ZFHX3: variants seen among roughly 807,000 people sequenced by gnomAD.
ZFHX3 encodes zinc finger homeobox 3.
Under a neutral mutation model 279.1 loss-of-function variants are expected in ZFHX3, and 42 were observed. The ratio of observed to expected loss-of-function variants is 0.15; its 90% confidence interval spans 0.12 to 0.19. ZFHX3 has a LOEUF of 0.19. Among genes scored for constraint, ZFHX3 ranks in the 10% least tolerant of loss-of-function variants. The pLI, the probability that ZFHX3 is intolerant of heterozygous loss-of-function variation, is 1.00. For missense variants in ZFHX3, 4,981 were observed against 4,754.0 expected, an observed-to-expected ratio of 1.05 and a Z score of -1.40; for synonymous variants, 2,293 against 1,957.8, an observed-to-expected ratio of 1.17 and a Z score of -4.52.
intron 4 of ZFHX3, among the ~76,000 whole-genome samples, chr16:72,842,695 A>T (rs2037373932): frequency 6.6e-6 from 1 of 152,222 alleles, no homozygotes; most frequent in Non-Finnish European, 1.5e-5. Context: ...AACCCAGGTA[A>T]GGTTATATCT....
chr16:73,110,455 G>A (rs1966359108), intron 7 of ZFHX3, among the ~76,000 whole-genome samples: 1 of 152,064 alleles, frequency 6.6e-6, no homozygotes. Context: ...ACATGACTTT[G>A]TATTTATTAT....
rs750197314 is a variant in ZFHX3 at position 72,793,920 on chromosome 16, G to A, written c.8762C>T (p.Ala2921Val). 1.2e-6 allele frequency: 2 copies of A among 1,614,210 alleles called. No homozygotes were observed. Among genetic ancestry groups the A allele is most frequent in the Non-Finnish European group, 1.7e-6 (2 of 1,180,038 alleles). ...ACCAGGACTCGGGGAGCAGGGATCT[G>A]CAAGGCTTGAGGTTTCACTGTAGTC... ...TVDYSETSSLADPCSPSPGAS... is the reference protein window; with the variant it reads ...TVDYSETSSLVDPCSPSPGAS... The change falls in exon 9 of 10, where the codon GCA becomes GTA. Residue 2921 changes from alanine (A) to valine (V), a missense_variant. Ala to Val is a moderately conservative substitution (Grantham distance 64). Transcript: ENST00000268489. The surrounding 1 kb of genome is among the most constrained non-coding windows in gnomAD (Gnocchi z 4.3).
At chr16:73,113,204 G>T (rs567648454) in intron 7 of ZFHX3, among the ~76,000 whole-genome samples, 2 of 152,130 alleles carry the variant, frequency 1.3e-5, no homozygotes, top group African/African-American at 4.8e-5. Context: ...GAAAGAGAGT[G>T]GGAGATGGAA....
chr16:73,766,068 C>T (rs2053937025), intron 1 of ZFHX3, among the ~76,000 whole-genome samples: 1 of 152,160 alleles, frequency 6.6e-6, no homozygotes, highest in African/African-American at 2.4e-5. Context: ...ACAGATGCAT[C>T]ATATGGCATT....
chr16:73,659,516 G>A (rs2052757674), intron 2 of ZFHX3, among the ~76,000 whole-genome samples: 1 of 152,072 alleles, frequency 6.6e-6, no homozygotes, highest in South Asian at 2.1e-4. Flanking sequence ...GAGATTCCCA[G>A]GGCACCATGC....
chr16:73,562,809 C>A (rs1244555194), intron 2 of ZFHX3, among the ~76,000 whole-genome samples: 2 of 151,950 alleles, frequency 1.3e-5, no homozygotes, highest in Non-Finnish European at 2.9e-5. Context: ...TTCTATGAAA[C>A]TGGTCCTATT....
intron 8 of ZFHX3, among the ~76,000 whole-genome samples, chr16:73,086,055 A>G (rs1966009057): frequency 6.6e-6 from 1 of 152,128 alleles, no homozygotes; most frequent in South Asian, 2.1e-4. Flanking sequence ...ACATTTCTCA[A>G]AAGAAGACAT....
In ZFHX3 at chr16:73,143,832, C is replaced by A; in HGVS notation, c.-1103-1G>T. On this transcript the variant is annotated splice_acceptor_variant, in intron 5 of 17. Coordinates refer to the ZFHX3 transcript ENST00000641206. LOFTEE classifies it low-confidence loss of function (5UTR_SPLICE). Reference sequence around the variant, plus strand: ...GGGGTTGTAACTTATATCTTCCGAGCTGAAGAAGAAAAGAAAGGACAAAAA... The same window carrying A: ...GGGGTTGTAACTTATATCTTCCGAGATGAAGAAGAAAAGAAAGGACAAAAA... 1 of 1,283,436 alleles carries A rather than the reference C, an allele frequency of 7.8e-7. No homozygotes were observed. The highest frequency in any genetic ancestry group is 1.0e-6 in the Non-Finnish European group (1 of 972,520). The allele number at this position is 1,283,436 out of a possible 1,614,324, so 79.5% of individuals were successfully genotyped here.
chr16:73,292,541 A>T (rs1023063607), intron 4 of ZFHX3, among the ~76,000 whole-genome samples: 7 of 152,238 alleles, frequency 4.6e-5, no homozygotes, highest in Non-Finnish European at 7.3e-5. Flanking sequence ...TTCTGGAGGT[A>T]ACAGAACAAT....
chr16:72,854,941 G>A lies in ZFHX3; in HGVS notation c.3449-25082C>T, dbSNP rs571156369. 1.7e-5 allele frequency among the ~76,000 whole-genome samples: 2 copies of A among 118,324 alleles called. 1 individual carries two copies. Among genetic ancestry groups the A allele is most frequent in the South Asian group, 6.6e-4 (2 of 3,042 alleles). The allele number at this position is 118,324 out of a possible 152,430, so 77.6% of individuals were successfully genotyped here. ...AATTAAAACACAAATTGGTGGGTGG[G>A]GGGGGGGTGTCAAATGGAAAAAACA... On this transcript the variant is annotated intron_variant, in intron 4 of 9. Transcript: ENST00000268489.
chr16:72,876,113 GCCGCTT>G (rs2038304289), intron 4 of ZFHX3, among the ~76,000 whole-genome samples: 1 of 152,080 alleles, frequency 6.6e-6, no homozygotes, highest in African/African-American at 2.4e-5. Context: ...TCCCAACTTC[GCCGCTT>G]CATAAAACAC....
chr16:73,352,645 G>A (rs1194660533), intron 3 of ZFHX3, among the ~76,000 whole-genome samples: 1 of 151,840 alleles, frequency 6.6e-6, no homozygotes, highest in Non-Finnish European at 1.5e-5. Flanking sequence ...ACGCCAGGTT[G>A]ATTTAAAAAA....
At chr16:73,176,826 T>G (rs1375063991) in intron 5 of ZFHX3, among the ~76,000 whole-genome samples, 1 of 152,048 alleles carries the variant, frequency 6.6e-6, no homozygotes, top group Admixed American at 6.6e-5. Context: ...GGGAATGCAA[T>G]GATGTAATAA....
At chr16:73,435,301 C>T (rs1211121637) in intron 3 of ZFHX3, among the ~76,000 whole-genome samples, 2 of 152,136 alleles carry the variant, frequency 1.3e-5, no homozygotes, top group South Asian at 2.1e-4. Context: ...CTCCACCTCC[C>T]GGGTTCAAGT....
intron 1 of ZFHX3, among the ~76,000 whole-genome samples, chr16:73,057,082 C>A (rs1965571647): frequency 6.6e-6 from 1 of 152,182 alleles, no homozygotes; most frequent in Non-Finnish European, 1.5e-5. Flanking sequence ...AAAAGGCAAT[C>A]AGCATGCTCC....
rs1228571370 is a variant in ZFHX3 at position 72,958,511 on chromosome 16, C to A, written c.1635G>T (p.Arg545Ser). 3 of 1,613,918 alleles carry A rather than the reference C, an allele frequency of 1.9e-6. No individual in the cohort carries two copies. Among genetic ancestry groups the A allele is most frequent in the African/African-American group, 2.7e-5 (2 of 74,908 alleles). The change falls in exon 2 of 10, where the codon AGG becomes AGT. Residue 545 changes from arginine to serine, a missense_variant. Physicochemically the swap from Arg to Ser is moderately radical, Grantham distance 110. This residue lies in a region of ZFHX3 where 1,068 missense variants were observed against 935.2 expected (regional missense o/e 1.14). Transcript: ENST00000268489. ...AATTAGAACTAGTAGAAGCTGTGCC[C>A]CTCGACAGGGTCTGGAGCACGTTAG... The part of the protein sequence containing the change: ...LMPNVLQTLS[R>S]GTASTSSNSA...
At position 73,588,503 on chromosome 16, in the gene ZFHX3, G is replaced by A. The variant is rs576461055; in HGVS notation, c.-1547+91677C>T. 8.6e-5 allele frequency among the ~76,000 whole-genome samples: 13 copies of A among 151,598 alleles called. No homozygotes were observed. In the South Asian group the frequency reaches 1.9e-3, roughly 22 times the overall value. ...AGATCGAGACCATCCTGGCTAACAC[G>A]GTGAAACCCCATCTCCACTAAAAAT... On this transcript the variant is annotated intron_variant, in intron 2 of 17. Transcript: ENST00000641206.
intron 1 of ZFHX3, among the ~76,000 whole-genome samples, chr16:73,839,982 C>G (rs141017356): frequency 1.5e-4 from 23 of 152,300 alleles, no homozygotes; most frequent in African/African-American, 4.3e-4. Context: ...TCTGTGTCCT[C>G]CCATGTTCAA....
chr16:73,092,758 C>G (rs1438296371), intron 8 of ZFHX3: 1 of 359,502 alleles, frequency 2.8e-6, no homozygotes, highest in African/African-American at 2.1e-5. Context: ...AAGTAATAAA[C>G]ACTTTGTCTT....
Sources: gnomAD v4.1 joint callset for allele counts (sites outside exome capture counted in the v4.1 genomes callset) on GRCh38, gnomAD v4.1.1 for gene constraint, gnomAD v4.1.1 regional missense constraint, Gnocchi (gnomAD v3.1) non-coding constraint, MANE v1.5 for transcripts, NCBI Gene and HGNC (gene_info 2026-07-23, HGNC 2026-07-21) for gene names.